Variants in NCOA3 observed in about 807,000 individuals in gnomAD.
NCOA3 encodes the protein nuclear receptor coactivator 3.
NCOA3 carries 51 observed loss-of-function variants against 158.8 expected under a neutral mutation model. The ratio of observed to expected loss-of-function variants is 0.32; its 90% CI spans 0.26 to 0.41. NCOA3 has a LOEUF of 0.41. Among genes scored for constraint, NCOA3 ranks in the 10% least tolerant of loss-of-function variants. The pLI is 1.00. For synonymous variants in NCOA3, 537 were observed against 592.4 expected (o/e 0.91, Z 1.36); for missense variants, 1,510 against 1,746.6 (o/e 0.86, Z 2.41).
At chr20:47,517,691 T>C (rs1489485839) in intron 1 of NCOA3, among the ~76,000 whole-genome samples, 1 of 152,144 alleles carries the variant, frequency 6.6e-6, no homozygotes, top group African/African-American at 2.4e-5. Flanking sequence ...CCTCAGGTGA[T>C]CTGCCTGCCT....
At chr20:47,602,991 A>G (rs1473466976) in intron 2 of NCOA3, among the ~76,000 whole-genome samples, 3 of 152,228 alleles carry the variant, frequency 2.0e-5, no homozygotes, top group African/African-American at 4.8e-5. Flanking sequence ...GAACGTTAAC[A>G]TGATTTTTCA....
intron 1 of NCOA3, among the ~76,000 whole-genome samples, chr20:47,514,157 CT>C (rs201621297): frequency 1.8e-3 from 259 of 142,504 alleles, no homozygotes; most frequent in Middle Eastern, 0.01. Flanking sequence ...TCAACATTTT[CT>C]TTTTTTTTTC....
intron 1 of NCOA3, among the ~76,000 whole-genome samples, chr20:47,562,667 T>C (rs918836564): frequency 2.6e-5 from 4 of 152,178 alleles, no homozygotes; most frequent in African/African-American, 9.7e-5. Flanking sequence ...AAATCACAAC[T>C]GTACCATATA....
intron 1 of NCOA3, among the ~76,000 whole-genome samples, chr20:47,550,194 C>T (rs192341190): frequency 2.4e-3 from 370 of 151,214 alleles, no homozygotes; most frequent in African/African-American, 8.5e-3. Context: ...CCTGTAATCC[C>T]GGCACTTTGG....
chr20:47,527,208 C>T (rs1038301408), intron 1 of NCOA3, among the ~76,000 whole-genome samples: 1 of 151,976 alleles, frequency 6.6e-6, no homozygotes, highest in Non-Finnish European at 1.5e-5. Context: ...ATGGCGAGTA[C>T]TTCTAGTACA....
At chr20:47,622,381 A>G in intron 3 of NCOA3, 51 bp downstream of exon 3, 1 of 1,240,024 alleles carries the variant, frequency 8.1e-7, no homozygotes, top group Non-Finnish European at 1.1e-6. Context: ...GCCTTTGTTT[A>G]AGGATAACAT....
chr20:47,511,550 T>TATATATATACACACACAC, intron 1 of NCOA3, among the ~76,000 whole-genome samples: 2 of 52,270 alleles, frequency 3.8e-5, no homozygotes, highest in African/African-American at 1.1e-4. Context: ...TATATATATA[T>TATATATATACACACACAC]ATATATTTCT....
chr20:47,653,174 T>C, intron 22 of NCOA3, 102 bp downstream of exon 22: 2 of 1,373,110 alleles, frequency 1.5e-6, no homozygotes, highest in Admixed American at 4.8e-5. Context: ...TATTTTAACT[T>C]GAATGTATAA....
At chr20:47,568,607 A>C (rs921300275) in intron 1 of NCOA3, among the ~76,000 whole-genome samples, 2 of 152,140 alleles carry the variant, frequency 1.3e-5, no homozygotes, top group Non-Finnish European at 2.9e-5. Context: ...CGTGGGCAAC[A>C]TGGCAAGATT....
At chr20:47,616,128 A>AG (rs2086129376) in intron 2 of NCOA3, among the ~76,000 whole-genome samples, 1 of 94,708 alleles carries the variant, frequency 1.1e-5, no homozygotes, top group Non-Finnish European at 2.2e-5. Context: ...ACTGCACTCC[A>AG]CCCGCCCCCC....
intron 1 of NCOA3, among the ~76,000 whole-genome samples, chr20:47,505,305 C>T (rs557894671): frequency 6.6e-6 from 1 of 152,056 alleles, no homozygotes; most frequent in African/African-American, 2.4e-5. Context: ...GGTAATCCAC[C>T]TGCCTTGGCC....
chr20:47,628,059 G>T (rs763597811), intron 8 of NCOA3, 36 bp downstream of exon 8: 4 of 1,429,242 alleles, frequency 2.8e-6, no homozygotes, highest in Non-Finnish European at 3.9e-6. Context: ...CTCTCTCTGT[G>T]TATACGTACA....
At chr20:47,553,165 G>T (rs973349152) in intron 1 of NCOA3, among the ~76,000 whole-genome samples, 2 of 152,002 alleles carry the variant, frequency 1.3e-5, no homozygotes, top group Admixed American at 6.6e-5. Context: ...GAATTCCTGG[G>T]CTTAAGGGAT....
At chr20:47,519,953 G>A (rs1180147829) in intron 1 of NCOA3, among the ~76,000 whole-genome samples, 2 of 150,984 alleles carry the variant, frequency 1.3e-5, no homozygotes, top group African/African-American at 4.9e-5. Flanking sequence ...TAGTAGAACC[G>A]GGGTTTCACC....
intron 1 of NCOA3, among the ~76,000 whole-genome samples, chr20:47,521,032 C>G (rs1387515979): frequency 6.6e-6 from 1 of 152,208 alleles, no homozygotes; most frequent in Admixed American, 6.5e-5. Context: ...ATTTGACCAC[C>G]AAGGAAGTAC....
At chr20:47,543,610 A>G (rs2084779830) in intron 1 of NCOA3, among the ~76,000 whole-genome samples, 1 of 151,662 alleles carries the variant, frequency 6.6e-6, no homozygotes, top group Non-Finnish European at 1.5e-5. Flanking sequence ...CCTGGGTTCA[A>G]GTGATTCTCC....
intron 13 of NCOA3, 93 bp from the exon 14 acceptor site, chr20:47,638,915 T>A (rs1416994939): frequency 9.9e-7 from 1 of 1,009,730 alleles, no homozygotes; most frequent in Non-Finnish European, 1.4e-6. Context: ...AAGAAAGACA[T>A]TCTTGGGTGG....
chr20:47,611,608 A>G (rs537823409), intron 2 of NCOA3, among the ~76,000 whole-genome samples: 4 of 152,236 alleles, frequency 2.6e-5, no homozygotes, highest in South Asian at 4.1e-4. Flanking sequence ...CCTGGCCAAC[A>G]TGGCGAAACC....
rs72374784 is a variant in NCOA3 at position 47,628,409 on chromosome 20, C to CTT, written c.823+402_823+403dup. On this transcript the variant is annotated intron_variant, in intron 8 of 22. Coordinates refer to ENST00000371998, the MANE Select transcript of NCOA3 (RefSeq NM_181659.3). Reference sequence around the variant, plus strand: ...TAATGAGAATTATTGGGAGTAATTCCTTTTTTTTTTTTTTTTTGTTGAGAC... The same window carrying CTT: ...TAATGAGAATTATTGGGAGTAATTCCTTTTTTTTTTTTTTTTTTTGTTGAGAC... 116 of 139,142 alleles carry CTT rather than the reference C, an allele frequency of 8.3e-4. 1 individual carries two copies. The highest frequency in any genetic ancestry group is 1.3e-3 in the South Asian group (6 of 4,534). The allele number at this position is 139,142 out of a possible 1,614,324, so 8.6% of individuals were successfully genotyped here.
Sources: gnomAD v4.1 joint callset for allele counts (sites outside exome capture counted in the v4.1 genomes callset) on GRCh38, gnomAD v4.1.1 for gene constraint, MANE v1.5 for transcripts, NCBI Gene and HGNC (gene_info 2026-07-23, HGNC 2026-07-21) for gene names.